The following BTNL8 variants were observed in gnomAD, a reference collection of about 807,000 sequenced individuals.
The protein encoded by BTNL8 is butyrophilin like 8.
In BTNL8, 22 loss-of-function variants were observed where a neutral mutation model predicts 36.1. The ratio of observed to expected loss-of-function variants is 0.61; its 90% CI spans 0.44 to 0.87. The LOEUF (loss-of-function observed/expected upper bound fraction) is 0.87, where lower values mean the gene tolerates loss of function less well. Among genes scored for constraint, BTNL8 ranks in the 40% least tolerant of loss-of-function variants. BTNL8 has a pLI of 0.00. For missense variants in BTNL8, 526 were observed against 616.9 expected, an observed-to-expected ratio of 0.85 and a Z score of 1.56; for synonymous variants, 203 against 235.6, an observed-to-expected ratio of 0.86 and a Z score of 1.27.
intron 3 of BTNL8, among the ~76,000 whole-genome samples, chr5:180,929,997 G>A (rs1340460603): frequency 6.6e-6 from 1 of 151,984 alleles, no homozygotes; most frequent in East Asian, 1.9e-4. Context: ...CCAAAACCTG[G>A]CAGAAACACA....
intron 3 of BTNL8, among the ~76,000 whole-genome samples, chr5:180,928,474 T>C (rs1758207629): frequency 6.6e-6 from 1 of 152,110 alleles, no homozygotes; most frequent in Non-Finnish European, 1.5e-5. Flanking sequence ...ATATTAACCT[T>C]AAATGTAAAT....
At chr5:180,946,455 C>T (rs1010911406) in intron 3 of BTNL8, among the ~76,000 whole-genome samples, 6 of 152,132 alleles carry the variant, frequency 3.9e-5, no homozygotes, top group Admixed American at 6.5e-5. Flanking sequence ...GACATTTTGT[C>T]GTTTGCAACT....
At chr5:180,911,036 C>T (rs941032673) in intron 2 of BTNL8, among the ~76,000 whole-genome samples, 3 of 152,206 alleles carry the variant, frequency 2.0e-5, no homozygotes, top group African/African-American at 7.2e-5. Context: ...GTCTGTTACT[C>T]CTACGCCTGG....
At chr5:180,910,845 CTCCA>C (rs1034690067) in intron 2 of BTNL8, among the ~76,000 whole-genome samples, 4 of 152,180 alleles carry the variant, frequency 2.6e-5, no homozygotes, top group Non-Finnish European at 5.9e-5. Context: ...TTGTTCAGCA[CTCCA>C]TCACTAGTGA....
intron 3 of BTNL8, among the ~76,000 whole-genome samples, chr5:180,928,762 A>C (rs1189982040): frequency 6.6e-6 from 1 of 152,240 alleles, no homozygotes; most frequent in Non-Finnish European, 1.5e-5. Flanking sequence ...AAGAAGAGCT[A>C]ACTATCCTAA....
chr5:180,908,382 G>A (rs111342979), intron 1 of BTNL8, among the ~76,000 whole-genome samples: 56,692 of 149,722 alleles, frequency 0.38, 11,951 homozygotes, highest in African/African-American at 0.6. Flanking sequence ...TGCACGGTGC[G>A]CGCACCCACT....
intron 3 of BTNL8, among the ~76,000 whole-genome samples, chr5:180,925,431 A>G (rs982161392): frequency 6.6e-6 from 1 of 152,246 alleles, no homozygotes; most frequent in African/African-American, 2.4e-5. Flanking sequence ...CGCATTCAAG[A>G]GAGCCCCAAT....
Position 180,947,544 on chromosome 5 carries a change from G to A in BTNL8, c.706G>A (p.Ala236Thr). ...TTTCGAGCCTATATCGTGGCACCTG[G>A]CTACCAAAGTACTGGGAATACTCTG... ...TFFEPISWHL[A>T]TKVLGILCCG... The change falls in exon 4 of 8, where the codon GCT becomes ACT. Residue 236 changes from alanine (A) to threonine (T), a missense_variant. Transcript: ENST00000340184. The A allele has an allele frequency of 6.2e-7, 1 of 1,613,908 alleles. No homozygotes were observed. The highest frequency in any genetic ancestry group is 8.5e-7 in the Non-Finnish European group (1 of 1,179,808).
intron 3 of BTNL8, among the ~76,000 whole-genome samples, chr5:180,943,865 C>T (rs1759102832): frequency 6.6e-6 from 1 of 152,004 alleles, no homozygotes; most frequent in Non-Finnish European, 1.5e-5. Flanking sequence ...TAATGAAAAG[C>T]AAATATGATG....
At chr5:180,928,577 G>A (rs1013041245) in intron 3 of BTNL8, among the ~76,000 whole-genome samples, 8 of 152,140 alleles carry the variant, frequency 5.3e-5, no homozygotes, top group African/African-American at 1.2e-4. Flanking sequence ...CCCATCTCAC[G>A]TGCAAAGACA....
intron 3 of BTNL8, among the ~76,000 whole-genome samples, chr5:180,915,274 G>A (rs899990974): frequency 6.6e-6 from 1 of 152,204 alleles, no homozygotes; most frequent in Non-Finnish European, 1.5e-5. Flanking sequence ...TCACAGTGGG[G>A]CACGTGCTTC....
In BTNL8 at chr5:180,926,068, C is replaced by T. The variant is rs552433118; in HGVS notation, c.673+14454C>T. ...AAATAGGAACAGCTGCGGTCTGCAGCCCCCAGCAAGATCAATGCAGAAGGG... is the reference window on the plus strand; with the variant it reads ...AAATAGGAACAGCTGCGGTCTGCAGTCCCCAGCAAGATCAATGCAGAAGGG... On this transcript the variant is annotated intron_variant, in intron 3 of 7. Coordinates refer to ENST00000340184, the MANE Select transcript of BTNL8 (RefSeq NM_001040462.3). 2.6e-5 allele frequency among the ~76,000 whole-genome samples: 4 copies of T among 152,204 alleles called. No individual in the cohort carries two copies. In the South Asian group the frequency reaches 6.2e-4, roughly 24 times the overall value.
At position 180,908,926 on chromosome 5, in the gene BTNL8, G is replaced by T. The variant is rs1757251790; in HGVS notation, c.390G>T (p.Gln130His). ...SYYQKAIWEL[Q>H]VSALGSVPLI... is the part of the protein sequence containing the mutation. ...ACCAGAAGGCCATCTGGGAGCTACA[G>T]GTGTCAGGTCAGTTTCATATTTCAT... The change falls in exon 2 of 8, where the codon CAG becomes CAT. Residue 130 changes from glutamine (Q) to histidine (H), a missense_variant. Gln to His is a conservative substitution (Grantham distance 24). Around this residue, in one of 2 missense-constraint regions of BTNL8, gnomAD observed 350 missense variants for 324.6 expected, o/e 1.08. Transcript: ENST00000340184. 1 of 1,611,790 alleles carries T rather than the reference G, an allele frequency of 6.2e-7. No homozygotes were observed. The highest frequency in any genetic ancestry group is 1.3e-5 in the African/African-American group (1 of 74,854).
intron 3 of BTNL8, among the ~76,000 whole-genome samples, chr5:180,924,201 T>C (rs1757994488): frequency 6.6e-6 from 1 of 152,198 alleles, no homozygotes; most frequent in Non-Finnish European, 1.5e-5. Flanking sequence ...GCTCTGTGAT[T>C]ATCTACAGAG....
chr5:180,926,586 C>G (rs1291161909), intron 3 of BTNL8, among the ~76,000 whole-genome samples: 2 of 152,346 alleles, frequency 1.3e-5, no homozygotes, highest in Non-Finnish European at 2.9e-5. Flanking sequence ...GAAATTCTCA[C>G]TGGCAGCAGA....
intron 1 of BTNL8, chr5:180,902,430 T>C (rs1476985995): frequency 1.3e-6 from 2 of 1,540,152 alleles, no homozygotes; most frequent in Non-Finnish European, 1.8e-6. Context: ...TCACTGGCTT[T>C]AGAAATAGGA....
Position 180,905,184 on chromosome 5 carries a change from A to G in BTNL8, c.50-3402A>G, listed in dbSNP as rs1370339898. 3.3e-5 allele frequency among the ~76,000 whole-genome samples: 5 copies of G among 151,080 alleles called. No homozygotes were observed. In the East Asian group the frequency reaches 9.8e-4, roughly 30 times the overall value. Reference sequence around the variant, plus strand: ...ACTCTTTTTGGTTGGTAAGCTATTGATTATTGCCACAATTTCAGCTCCTGT... The same window carrying G: ...ACTCTTTTTGGTTGGTAAGCTATTGGTTATTGCCACAATTTCAGCTCCTGT... On this transcript the variant is annotated intron_variant, in intron 1 of 7. Transcript: ENST00000340184.
chr5:180,932,203 G>C (rs1456463221), intron 3 of BTNL8, among the ~76,000 whole-genome samples: 1 of 152,184 alleles, frequency 6.6e-6, no homozygotes, highest in Non-Finnish European at 1.5e-5. Flanking sequence ...ACTGGGTCAT[G>C]TCAGGGTGTG....
intron 1 of BTNL8, among the ~76,000 whole-genome samples, chr5:180,902,589 T>C (rs1756878200): frequency 6.6e-6 from 1 of 151,488 alleles, no homozygotes. Context: ...GTTAGTTACA[T>C]ATGTATACAT....
Sources: gnomAD v4.1 joint callset for allele counts (sites outside exome capture counted in the v4.1 genomes callset) on GRCh38, gnomAD v4.1.1 for gene constraint, gnomAD v4.1.1 regional missense constraint, MANE v1.5 for transcripts, NCBI Gene and HGNC (gene_info 2026-07-23, HGNC 2026-07-21) for gene names.